The following MICAL3 variants were observed in gnomAD, a reference collection of about 807,000 sequenced individuals.
MICAL3 encodes the protein microtubule associated monooxygenase, calponin and LIM domain containing 3, also known as [F-actin]-monooxygenase MICAL3.
MICAL3 carries 62 observed loss-of-function variants against 207.4 expected under a neutral mutation model. The ratio of observed to expected loss-of-function variants is 0.30; its 90% CI spans 0.24 to 0.37. The LOEUF (loss-of-function observed/expected upper bound fraction) is 0.37. MICAL3 is among the 10% of genes least tolerant of loss of function. The pLI, the probability that MICAL3 is intolerant of heterozygous loss-of-function variation, is 1.00. For synonymous variants in MICAL3, 1,077 were observed against 1,069.3 expected (o/e 1.01, Z -0.14); for missense variants, 2,368 against 2,635.6 (o/e 0.90, Z 2.22).
At chr22:17,821,933 C>T in intron 24 of MICAL3, 97 bp downstream of exon 24, 1 of 1,479,008 alleles carries the variant, frequency 6.8e-7, no homozygotes, top group South Asian at 1.3e-5. Flanking sequence ...TGCACCATGG[C>T]TCTGCTCTGA....
intron 1 of MICAL3, among the ~76,000 whole-genome samples, chr22:17,945,004 G>C (rs924083519): frequency 8.0e-6 from 1 of 124,966 alleles, no homozygotes; most frequent in Admixed American, 9.0e-5. Context: ...AGGCACTGGG[G>C]GACCTTTTTT....
rs147233919 is a variant in MICAL3, at chr22:17,859,281, A to G, written c.2605+5618T>C. Among the ~76,000 whole-genome samples, 12 of 152,328 alleles carry G rather than the reference A, an allele frequency of 7.9e-5. No homozygotes were observed. The East Asian group carries it at 2.3e-3, about 29-fold the overall frequency. Reference sequence around the variant, plus strand: ...AGCCAAGACCTCTTCACGTTCCAAGAGAGCTGCTTCAGGGGGACGGAGGCC... The same window carrying G: ...AGCCAAGACCTCTTCACGTTCCAAGGGAGCTGCTTCAGGGGGACGGAGGCC... On this transcript the variant is annotated intron_variant, in intron 19 of 31. Coordinates refer to ENST00000441493, the MANE Select transcript of MICAL3 (RefSeq NM_015241.3).
chr22:17,821,926 A>C, intron 24 of MICAL3, 104 bp downstream of exon 24: 41 of 1,418,374 alleles, frequency 2.9e-5, no homozygotes, highest in Non-Finnish European at 3.6e-5. Context: ...GCTGGTGTGC[A>C]CCATGGCTCT....
chr22:17,933,422 A>G (rs1447238536), intron 1 of MICAL3, among the ~76,000 whole-genome samples: 1 of 152,248 alleles, frequency 6.6e-6, no homozygotes, highest in Non-Finnish European at 1.5e-5. Context: ...TTTGAAACCA[A>G]TGAGAACAAA....
chr22:17,819,103 G>A lies in MICAL3; in HGVS notation c.3558C>T (p.Ala1186=), dbSNP rs955741795. 17 of 1,506,368 alleles carry A rather than the reference G, an allele frequency of 1.1e-5. No homozygotes were observed. The highest frequency in any genetic ancestry group is 6.9e-5 in the East Asian group (3 of 43,366). 93.3% of individuals were successfully genotyped at this position (1,506,368 alleles called of 1,614,324 possible). ...CCTCAGGTGATTTCTCCTGGGTGGC[G>A]GCAGGGACAGGTGGGAGTTGGGGCC... is the stretch of plus-strand genomic sequence containing the variant. ...TEGPQLPPVP[A]ATQEKSPEER... Residue 1186 remains alanine (A), a synonymous_variant, in exon 26 of 32, where the codon GCC becomes GCT. Coordinates refer to ENST00000441493, the MANE Select transcript of MICAL3 (RefSeq NM_015241.3).
At chr22:18,012,772 T>G (rs1923828208) in intron 1 of MICAL3, among the ~76,000 whole-genome samples, 1 of 152,214 alleles carries the variant, frequency 6.6e-6, no homozygotes, top group Non-Finnish European at 1.5e-5. Context: ...AATTGCTGCC[T>G]TGCAGGAGGT....
rs1924027821 is a variant in MICAL3, at chr22:17,841,720, A to G, written c.2801+102T>C. On this transcript the variant is annotated intron_variant, in intron 20 of 31. Transcript: ENST00000441493. This position sits in a 1 kb window ranked among gnomAD's most constrained non-coding sequence, Gnocchi z 4.2. ...GAATGGACTGCGGGCAGCAGGAAAG[A>G]CAGGAGGCCTCCCTTCACTGAGAAG... is the stretch of plus-strand genomic sequence containing the variant. 6 of 1,229,736 alleles carry G rather than the reference A, an allele frequency of 4.9e-6. No individual in the cohort carries two copies. In the South Asian group the frequency reaches 5.5e-5, roughly 11 times the overall value. 76.2% of individuals were successfully genotyped at this position (1,229,736 alleles called of 1,614,324 possible). A position where few individuals can be genotyped will look rare whatever the true frequency, so the allele number is the denominator to read the frequency against.
intron 16 of MICAL3, chr22:17,876,693 TGCAGG>T (rs1928387959): frequency 7.7e-6 from 1 of 129,578 alleles, no homozygotes; most frequent in Non-Finnish European, 1.7e-5. Context: ...CAAGTACACA[TGCAGG>T]GTTATGGAGG....
At chr22:17,964,815 A>C (rs1242790960) in intron 1 of MICAL3, among the ~76,000 whole-genome samples, 2 of 152,260 alleles carry the variant, frequency 1.3e-5, no homozygotes, top group Non-Finnish European at 2.9e-5. Flanking sequence ...AAACAAAGCA[A>C]AACAAAAACC....
chr22:17,976,264 C>T (rs982670453), intron 1 of MICAL3, among the ~76,000 whole-genome samples: 1 of 152,078 alleles, frequency 6.6e-6, no homozygotes, highest in Non-Finnish European at 1.5e-5. Context: ...TCATTTCTTG[C>T]TGTTAAATTC....
At chr22:17,862,969 C>G (rs1333316571) in intron 19 of MICAL3, 4 of 985,298 alleles carry the variant, frequency 4.1e-6, no homozygotes, top group Non-Finnish European at 2.4e-6. Context: ...TCAAGAACCA[C>G]GCGGACAGAG....
At chr22:17,916,674 C>A (rs559842789) in intron 1 of MICAL3, among the ~76,000 whole-genome samples, 14 of 152,266 alleles carry the variant, frequency 9.2e-5, no homozygotes, top group Admixed American at 2.6e-4. Context: ...TCTGCCCCCC[C>A]ACAACCCCAC....
Position 17,841,502 on chromosome 22 carries a change from CG to C in MICAL3, c.2801+319del, listed in dbSNP as rs1339911919. 2 of 515,286 alleles carry C rather than the reference CG, an allele frequency of 3.9e-6. No individual in the cohort carries two copies. Among genetic ancestry groups the C allele is most frequent in the African/African-American group, 3.8e-5 (2 of 53,030 alleles). The allele number at this position is 515,286 out of a possible 1,614,324, so 31.9% of individuals were successfully genotyped here. A position where few individuals can be genotyped will look rare whatever the true frequency, so the allele number is the denominator to read the frequency against. The stretch of plus-strand genomic sequence containing the variant: ...CACCCAGAGTCCCTCCCCGTGTGCC[CG>C]TCCTTCCCTCTGCTGAATCTGTGAA... On this transcript the variant is annotated intron_variant, in intron 20 of 31. Coordinates refer to ENST00000441493, the MANE Select transcript of MICAL3 (RefSeq NM_015241.3). The surrounding 1 kb of genome is among the most constrained non-coding windows in gnomAD (Gnocchi z 4.2).
chr22:18,013,139 C>T (rs1923850959), intron 1 of MICAL3, among the ~76,000 whole-genome samples: 1 of 152,160 alleles, frequency 6.6e-6, no homozygotes. Context: ...TTCATGCAGT[C>T]AAGAATCCCC....
intron 1 of MICAL3, among the ~76,000 whole-genome samples, chr22:17,917,931 G>C (rs192403571): frequency 2.6e-5 from 4 of 152,308 alleles, no homozygotes; most frequent in Non-Finnish European, 4.4e-5. Flanking sequence ...TATGAGAAGG[G>C]AGTAGAGCAT....
intron 19 of MICAL3, chr22:17,863,564 T>C (rs772294880): frequency 9.1e-6 from 9 of 985,358 alleles, no homozygotes; most frequent in Non-Finnish European, 9.6e-6. Flanking sequence ...GGTTGAAACA[T>C]GGCTATAAAA....
intron 1 of MICAL3, among the ~76,000 whole-genome samples, chr22:17,912,222 T>A (rs1008976008): frequency 6.6e-6 from 1 of 152,194 alleles, no homozygotes; most frequent in African/African-American, 2.4e-5. Flanking sequence ...AGTACCACAC[T>A]GTTTTGATTA....
intron 1 of MICAL3, among the ~76,000 whole-genome samples, chr22:17,939,824 G>A (rs998960499): frequency 3.3e-5 from 5 of 152,076 alleles, no homozygotes; most frequent in Admixed American, 2.0e-4. Context: ...CCTACCTAAC[G>A]CCAAAAAGAG....
intron 1 of MICAL3, among the ~76,000 whole-genome samples, chr22:17,907,508 A>T (rs894671420): frequency 6.6e-6 from 1 of 152,210 alleles, no homozygotes; most frequent in Non-Finnish European, 1.5e-5. Context: ...GGAGGTGCTT[A>T]CCGGGAAGTC....
Sources: gnomAD v4.1 joint callset for allele counts (sites outside exome capture counted in the v4.1 genomes callset) on GRCh38, gnomAD v4.1.1 for gene constraint, Gnocchi (gnomAD v3.1) non-coding constraint, MANE v1.5 for transcripts, NCBI Gene and HGNC (gene_info 2026-07-23, HGNC 2026-07-21) for gene names.